Variants in CYP2A7 observed in about 807,000 individuals in gnomAD.
CYP2A7 encodes the protein cytochrome P450 family 2 subfamily A member 7, also known as cytochrome P450 2A7.
In CYP2A7, 36 loss-of-function variants were observed where a neutral mutation model predicts 42.0. The observed-to-expected ratio is 0.86, with a 90% CI of 0.66 to 1.13. CYP2A7 has a LOEUF of 1.13. Among genes scored for constraint, CYP2A7 ranks in the 50% most tolerant of loss-of-function variants. The pLI is 0.00. For missense variants in CYP2A7, 661 were observed against 634.1 expected, an observed-to-expected ratio of 1.04 and a Z score of -0.46; for synonymous variants, 260 against 249.5, an observed-to-expected ratio of 1.04 and a Z score of -0.40.
rs779935678 is a variant in CYP2A7, at chr19:40,877,234, T to C, written c.1117A>G (p.Arg373Gly). Reference sequence around the variant, plus strand: ...CGAAACTTGGTGTCCTTTTTAACCCTGCGGGCCAAACTCATGGGGATCACG... The same window carrying C: ...CGAAACTTGGTGTCCTTTTTAACCCCGCGGGCCAAACTCATGGGGATCACG... Reference protein sequence around the residue: ...GDVIPMSLARRVKKDTKFRDF... With the variant: ...GDVIPMSLARGVKKDTKFRDF... Residue 373 changes from arginine (R) to glycine (G), a missense_variant, in exon 7 of 9, where the codon AGG (arginine) becomes GGG (glycine). By Grantham distance (125) the Arg-to-Gly change is moderately radical. Transcript: ENST00000301146. 6.2e-7 allele frequency: 1 copy of C among 1,612,720 alleles called. No homozygotes were observed. Among genetic ancestry groups the C allele is most frequent in the Non-Finnish European group, 8.5e-7 (1 of 1,179,156 alleles).
rs1599792763 is a variant in CYP2A7 at position 40,878,915 on chromosome 19, C to T, written c.676G>A (p.Val226Met). 10 of 1,609,492 alleles carry T rather than the reference C, an allele frequency of 6.2e-6. No individual in the cohort carries two copies. Among genetic ancestry groups the T allele is most frequent in the Non-Finnish European group, 8.5e-6 (10 of 1,176,854 alleles). ...TGQLYEMFSS[V>M]MKHLPGPQQQ... ...TGTGGTCCTGGCAGGTGTTTCATCACCGAAGAGAACATCTCATAGAGCTGG... is the reference window on the plus strand; with the variant it reads ...TGTGGTCCTGGCAGGTGTTTCATCATCGAAGAGAACATCTCATAGAGCTGG... The change falls in exon 5 of 9, where the codon GTG becomes ATG. Residue 226 changes from valine (V) to methionine (M), a missense_variant. Physicochemically the swap from Val to Met is conservative, Grantham distance 21 (BLOSUM62 1). Transcript: ENST00000301146.
chr19:40,880,836 A>G (rs1285264329), intron 2 of CYP2A7, among the ~76,000 whole-genome samples: 3 of 110,252 alleles, frequency 2.7e-5, no homozygotes, highest in East Asian at 5.6e-4. Context: ...AGAGAGAGAG[A>G]GAGAGAGAGA....
chr19:40,881,604 C>T lies in CYP2A7; in HGVS notation c.328G>A (p.Val110Ile). The change falls in exon 2 of 9, where the codon GTC becomes ATC. Residue 110 changes from valine (V) to isoleucine (I), a missense_variant. Val to Ile is a conservative substitution (Grantham distance 29). Around this residue, in one of 3 missense-constraint regions of CYP2A7, gnomAD observed 614 missense variants for 552.4 expected, o/e 1.11. Coordinates refer to ENST00000301146, the MANE Select transcript of CYP2A7 (RefSeq NM_000764.3). The stretch of plus-strand genomic sequence containing the variant: ...ACCCCCTCACCATAGCCTTTGAAGA[C>T]CCAGTCGAAGGTGGCTTGCTCGCCT... ...GRGEQATFDW[V>I]FKGYGVAFSN... 2 of 1,612,130 alleles carry T rather than the reference C, an allele frequency of 1.2e-6. No individual in the cohort carries two copies. The highest frequency in any genetic ancestry group is 1.7e-6 in the Non-Finnish European group (2 of 1,179,612).
At position 40,879,480 on chromosome 19, in the gene CYP2A7, G is replaced by A. The variant is rs147972413; in HGVS notation, c.655-544C>T. On this transcript the variant is annotated intron_variant, in intron 4 of 8. Transcript: ENST00000301146. ...CCTATCCAAGTGCGATGCACAGGGA[G>A]CACCTCTGTAAGGTGTGTGATTGGA... Among the ~76,000 whole-genome samples the A allele has an allele frequency of 7.0e-4, 106 of 151,960 alleles. 1 individual carries two copies. Among genetic ancestry groups the A allele is most frequent in the African/African-American group, 2.5e-3 (103 of 41,538 alleles).
At position 40,881,570 on chromosome 19, in the gene CYP2A7, A is replaced by C. The variant is rs201180533; in HGVS notation, c.343+19T>G. The stretch of plus-strand genomic sequence containing the variant: ...TCGTGTCCGCCTGGCCACCTTCCCC[A>C]TCTTGGGCACCCCCTCACCATAGCC... On this transcript the variant is annotated intron_variant, in intron 2 of 8. Transcript: ENST00000301146. 2.7e-3 allele frequency: 4,285 copies of C among 1,570,418 alleles called. 201 individuals carry two copies. Among genetic ancestry groups the C allele is most frequent in the Non-Finnish European group, 2.9e-3 (3,342 of 1,144,748 alleles).
At chr19:40,877,021 C>T in intron 7 of CYP2A7, 169 bp downstream of exon 7, 1 of 755,158 alleles carries the variant, frequency 1.3e-6, no homozygotes, top group Non-Finnish European at 2.2e-6. Flanking sequence ...ATGCAGGACT[C>T]AGGAGTGTCT....
chr19:40,879,945 C>A, intron 4 of CYP2A7, 139 bp downstream of exon 4: 13 of 1,403,422 alleles, frequency 9.3e-6, no homozygotes, highest in Non-Finnish European at 1.3e-5. Context: ...GTGCAACTGT[C>A]CAGTTGTCCA....
rs981217141 is a variant in CYP2A7 at position 40,876,408 on chromosome 19, A to C, written c.1303+119T>G. On this transcript the variant is annotated intron_variant, in intron 8 of 8. Coordinates refer to ENST00000301146, the MANE Select transcript of CYP2A7 (RefSeq NM_000764.3). ...GTATCAGCTGCTGGCTCAAGGGTAG[A>C]TTCTAACAGGAACTTCCAAGCTGGA... 4 of 1,548,858 alleles carry C rather than the reference A, an allele frequency of 2.6e-6. No individual in the cohort carries two copies. The African/African-American group carries it at 4.1e-5, about 16-fold the overall frequency.
chr19:40,880,092 T>C lies in CYP2A7; in HGVS notation c.646A>G (p.Thr216Ala), dbSNP rs764720683. The C allele has an allele frequency of 2.5e-6, 4 of 1,612,588 alleles. No individual in the cohort carries two copies. The African/African-American group carries it at 4.0e-5, about 16-fold the overall frequency. ...GGGCTGCAGCCAGTTACCTGCCCCG[T>C]GGAGGTTGACGTGAACTGGAAGATT... is the stretch of plus-strand genomic sequence containing the variant. ...LGIFQFTSTS[T>A]GQLYEMFSSV... Residue 216 changes from threonine to alanine, a missense_variant, in exon 4 of 9, where the codon ACG becomes GCG. Physicochemically the swap from Thr to Ala is moderately conservative, Grantham distance 58 (BLOSUM62 0). This residue lies in a region of CYP2A7 where 614 missense variants were observed against 552.4 expected (regional missense o/e 1.11). Transcript: ENST00000301146.
intron 2 of CYP2A7, 99 bp from the exon 3 acceptor site, chr19:40,880,727 G>A: frequency 7.6e-7 from 1 of 1,316,678 alleles, no homozygotes; most frequent in South Asian, 1.4e-5. Flanking sequence ...CAGAGGGGTA[G>A]TGGGGTGGGA....
chr19:40,877,127 G>T (rs1967551129), intron 7 of CYP2A7, 63 bp downstream of exon 7: 2 of 1,575,938 alleles, frequency 1.3e-6, no homozygotes, highest in African/African-American at 2.7e-5. Context: ...ATGGGGGCAG[G>T]ATTCTGGGGA....
At position 40,881,552 on chromosome 19, in the gene CYP2A7, C is replaced by T. The variant is rs374034412; in HGVS notation, c.343+37G>A. ...CTGGCAACACTGAGACCATCGTGTCCGCCTGGCCACCTTCCCCATCTTGGG... is the reference window on the plus strand; with the variant it reads ...CTGGCAACACTGAGACCATCGTGTCTGCCTGGCCACCTTCCCCATCTTGGG... On this transcript the variant is annotated intron_variant, in intron 2 of 8. Coordinates refer to ENST00000301146, the MANE Select transcript of CYP2A7 (RefSeq NM_000764.3). 5.2e-5 allele frequency: 83 copies of T among 1,609,570 alleles called. 2 individuals carry two copies. The African/African-American group carries it at 5.4e-4, about 10-fold the overall frequency.
chr19:40,881,352 C>T (rs1416767763), intron 2 of CYP2A7, among the ~76,000 whole-genome samples: 1 of 151,210 alleles, frequency 6.6e-6, no homozygotes, highest in Non-Finnish European at 1.5e-5. Context: ...GAGGAGACTC[C>T]AGTGAGAGAG....
intron 4 of CYP2A7, 131 bp from the exon 5 acceptor site, chr19:40,879,067 A>G (rs1967600677): frequency 7.2e-7 from 1 of 1,379,426 alleles, no homozygotes; most frequent in East Asian, 2.4e-5. Flanking sequence ...TAGGTATTTC[A>G]GTGGGGTCGG....
At chr19:40,879,009 G>A in intron 4 of CYP2A7, 73 bp from the exon 5 acceptor site, 2 of 1,526,790 alleles carry the variant, frequency 1.3e-6, no homozygotes, top group African/African-American at 1.4e-5. Context: ...AATGGGATTT[G>A]TTTCATAGCA....
At chr19:40,881,489 G>A (rs1383948530) in intron 2 of CYP2A7, 100 bp downstream of exon 2, 59 of 1,572,424 alleles carry the variant, frequency 3.8e-5, no homozygotes, top group Non-Finnish European at 5.0e-5. Flanking sequence ...CGGGGGTTCT[G>A]CCATAGCCTC....
In CYP2A7 at chr19:40,875,507, C is replaced by A. The variant is rs148965118; in HGVS notation, c.*186G>T. 279 of 703,388 alleles carry A rather than the reference C, an allele frequency of 4.0e-4. 6 individuals are homozygous for A. The highest frequency in any genetic ancestry group is 9.2e-4 in the Admixed American group (31 of 33,862). The allele number at this position is 703,388 out of a possible 1,614,324, so 43.6% of individuals were successfully genotyped here. ...ATGTAAGGTTTCCCTTCCTCTCATC[C>A]CAGCTCGGAAGCACCTTATCAAGGT... On this transcript the variant is annotated 3_prime_UTR_variant, in exon 9 of 9. Coordinates refer to ENST00000301146, the MANE Select transcript of CYP2A7 (RefSeq NM_000764.3).
chr19:40,879,278 G>C (rs529154733), intron 4 of CYP2A7, among the ~76,000 whole-genome samples: 2 of 151,790 alleles, frequency 1.3e-5, no homozygotes, highest in Non-Finnish European at 2.9e-5. Context: ...TTCAGGTGGG[G>C]CTGGTATGAG....
In CYP2A7 at chr19:40,878,791, A is replaced by G; in HGVS notation, c.800T>C (p.Phe267Ser). The change falls in exon 5 of 9, where the codon TTC (phenylalanine) becomes TCC (serine). Residue 267 changes from phenylalanine (F) to serine (S), a missense_variant. By Grantham distance (155) the Phe-to-Ser change is radical. Around this residue, in one of 3 missense-constraint regions of CYP2A7, gnomAD observed 614 missense variants for 552.4 expected, o/e 1.11. Coordinates refer to ENST00000301146, the MANE Select transcript of CYP2A7 (RefSeq NM_000764.3). The part of the protein sequence containing the change: ...RTLDPNSPQD[F>S]IDSFLIHMQE... Reference sequence around the variant, plus strand: ...CATGTGGATGAGAAAGGAGTCGATGAAGTCCTGTGGGGAATTGGGATCCAG... The same window carrying G: ...CATGTGGATGAGAAAGGAGTCGATGGAGTCCTGTGGGGAATTGGGATCCAG... 6 of 1,611,584 alleles carry G rather than the reference A, an allele frequency of 3.7e-6. No homozygotes were observed. The highest frequency in any genetic ancestry group is 4.2e-6 in the Non-Finnish European group (5 of 1,178,360).
Sources: allele counts gnomAD v4.1 joint callset (sites outside exome capture counted in the v4.1 genomes callset), GRCh38; gene constraint gnomAD v4.1.1; regional missense constraint gnomAD v4.1.1; transcripts MANE v1.5; gene names NCBI Gene and HGNC (gene_info 2026-07-23, HGNC 2026-07-21).